CADM2: variants seen among roughly 807,000 people sequenced by gnomAD.
The protein encoded by CADM2 is cell adhesion molecule 2, also known as immunoglobulin superfamily member 4D.
In CADM2, 12 loss-of-function variants were observed where a neutral mutation model predicts 49.8. The ratio of observed to expected loss-of-function variants is 0.24; its 90% confidence interval spans 0.15 to 0.39. The LOEUF (loss-of-function observed/expected upper bound fraction) is 0.39, where lower values mean the gene tolerates loss of function less well. CADM2 is among the 10% of genes least tolerant of loss of function. The probability of loss-of-function intolerance (pLI) is 1.00; values close to 1 mark genes in which losing one functional copy is unlikely to be tolerated. For missense variants in CADM2, 378 were observed against 492.3 expected (o/e 0.77, Z 2.20); for synonymous variants, 214 against 175.4 (o/e 1.22, Z -1.74).
intron 2 of CADM2, among the ~76,000 whole-genome samples, chr3:85,752,179 A>G (rs1482579884): frequency 1.3e-5 from 2 of 152,140 alleles, no homozygotes; most frequent in East Asian, 3.9e-4. Flanking sequence ...GAAAGAGAGA[A>G]TAGTGTAGAG....
At chr3:85,959,896 C>T (rs1335982287) in intron 7 of CADM2, among the ~76,000 whole-genome samples, 6 of 151,844 alleles carry the variant, frequency 4.0e-5, no homozygotes, top group Non-Finnish European at 8.8e-5. Flanking sequence ...CACTTAATAA[C>T]ACATTTCTCA....
At chr3:85,637,803 A>G (rs1424003177) in intron 1 of CADM2, among the ~76,000 whole-genome samples, 2 of 152,110 alleles carry the variant, frequency 1.3e-5, no homozygotes, top group African/African-American at 4.8e-5. Context: ...TGTCCCTACC[A>G]TTCAAGACTG....
intron 1 of CADM2, among the ~76,000 whole-genome samples, chr3:85,069,089 G>A (rs2036629957): frequency 6.6e-6 from 1 of 151,976 alleles, no homozygotes; most frequent in African/African-American, 2.4e-5. Context: ...CTCAATTATG[G>A]CCGTTGATGC....
chr3:85,370,560 T>G (rs939451999), intron 1 of CADM2, among the ~76,000 whole-genome samples: 1 of 152,234 alleles, frequency 6.6e-6, no homozygotes, highest in African/African-American at 2.4e-5. Flanking sequence ...AAAACAAACC[T>G]ACTGTGTCTG....
intron 1 of CADM2, among the ~76,000 whole-genome samples, chr3:85,230,259 T>C (rs909728214): frequency 1.3e-5 from 2 of 152,194 alleles, no homozygotes; most frequent in South Asian, 4.1e-4. Context: ...AACTTTATTA[T>C]TTGGATGGAT....
At chr3:85,644,632 C>G (rs1318894705) in intron 1 of CADM2, among the ~76,000 whole-genome samples, 1 of 152,142 alleles carries the variant, frequency 6.6e-6, no homozygotes, top group African/African-American at 2.4e-5. Flanking sequence ...GAGCTACAAT[C>G]ACCCTTCTAG....
At chr3:85,690,725 A>C (rs1363673907) in intron 1 of CADM2, among the ~76,000 whole-genome samples, 2 of 152,162 alleles carry the variant, frequency 1.3e-5, no homozygotes, top group African/African-American at 4.8e-5. Context: ...CTGGACCATT[A>C]AGTCATATTC....
intron 8 of CADM2, among the ~76,000 whole-genome samples, chr3:85,998,124 T>C (rs981639198): frequency 2.0e-5 from 3 of 152,116 alleles, no homozygotes; most frequent in Middle Eastern, 3.4e-3. Context: ...ATAGAAGGTG[T>C]TGGTACAATT....
intron 1 of CADM2, among the ~76,000 whole-genome samples, chr3:85,147,190 G>A (rs1357398739): frequency 6.7e-6 from 1 of 150,326 alleles, no homozygotes; most frequent in Non-Finnish European, 1.5e-5. Flanking sequence ...CAGGAGAAAG[G>A]CGAGAACCCG....
At chr3:85,141,672 A>C (rs760679366) in intron 1 of CADM2, among the ~76,000 whole-genome samples, 1 of 152,216 alleles carries the variant, frequency 6.6e-6, no homozygotes, top group African/African-American at 2.4e-5. Flanking sequence ...TTTTTTATGA[A>C]TATAGATAGG....
intron 1 of CADM2, among the ~76,000 whole-genome samples, chr3:85,383,316 T>C (rs1037662424): frequency 2.0e-4 from 31 of 152,074 alleles, no homozygotes; most frequent in Non-Finnish European, 7.4e-5. Context: ...TTAAACTCTG[T>C]TAATTTGTCT....
intron 1 of CADM2, among the ~76,000 whole-genome samples, chr3:85,454,357 C>G (rs1307235105): frequency 6.6e-6 from 1 of 151,702 alleles, no homozygotes; most frequent in Non-Finnish European, 1.5e-5. Flanking sequence ...TAAAAAAATG[C>G]AAGCAATATA....
At chr3:85,403,159 A>T (rs1252773520) in intron 1 of CADM2, among the ~76,000 whole-genome samples, 1 of 152,128 alleles carries the variant, frequency 6.6e-6, no homozygotes, top group Non-Finnish European at 1.5e-5. Context: ...TCTTTAAAAC[A>T]TATTCTGGAG....
chr3:86,015,596 A>T (rs1364025786), intron 8 of CADM2, among the ~76,000 whole-genome samples: 1 of 152,240 alleles, frequency 6.6e-6, no homozygotes, highest in African/African-American at 2.4e-5. Flanking sequence ...TTACCGGAGA[A>T]AAGCTTGTGA....
At chr3:86,019,693 G>T (rs138502556) in intron 8 of CADM2, among the ~76,000 whole-genome samples, 3,912 of 152,152 alleles carry the variant, frequency 0.026, 170 homozygotes, top group African/African-American at 0.09. Context: ...TGTTGTTGGT[G>T]TATAAGAAAG....
At chr3:86,043,296 G>C (rs1213490696) in intron 8 of CADM2, among the ~76,000 whole-genome samples, 1 of 152,142 alleles carries the variant, frequency 6.6e-6, no homozygotes, top group Non-Finnish European at 1.5e-5. Flanking sequence ...AATTGTCCCT[G>C]TTTGCAGAAG....
intron 2 of CADM2, among the ~76,000 whole-genome samples, chr3:85,737,300 A>G (rs2068180300): frequency 6.6e-6 from 1 of 152,210 alleles, no homozygotes; most frequent in Non-Finnish European, 1.5e-5. Flanking sequence ...TTTCATACAT[A>G]TAAACAATTT....
At chr3:85,413,154 AAAAAAAAAAT>A (rs1460094569) in intron 1 of CADM2, among the ~76,000 whole-genome samples, 2 of 144,232 alleles carry the variant, frequency 1.4e-5, no homozygotes, top group African/African-American at 2.5e-5. Flanking sequence ...AAAAAAAAAA[AAAAAAAAAAT>A]AATAATAATA....
chr3:85,718,673 G>A (rs1421781194), intron 1 of CADM2, among the ~76,000 whole-genome samples: 1 of 151,672 alleles, frequency 6.6e-6, no homozygotes, highest in East Asian at 1.9e-4. Context: ...CATGAAAACG[G>A]TAGAGTGAAA....
Sources: allele counts gnomAD v4.1 joint callset (sites outside exome capture counted in the v4.1 genomes callset), GRCh38; gene constraint gnomAD v4.1.1; transcripts MANE v1.5; gene names NCBI Gene and HGNC (gene_info 2026-07-23, HGNC 2026-07-21).